The following GZMK variants were observed in gnomAD, a reference collection of about 807,000 sequenced individuals.
The protein encoded by GZMK is granzyme K.
In GZMK, 18 loss-of-function variants were observed where a neutral mutation model predicts 22.8. The ratio of observed to expected loss-of-function variants is 0.79; its 90% CI spans 0.54 to 1.17. The LOEUF (loss-of-function observed/expected upper bound fraction) is 1.17. Among genes scored for constraint, GZMK ranks in the 50% most tolerant of loss-of-function variants. The probability of loss-of-function intolerance (pLI) is 0.00; values close to 1 mark genes in which losing one functional copy is unlikely to be tolerated. For synonymous variants in GZMK, 136 were observed against 115.0 expected, an observed-to-expected ratio of 1.18 and a Z score of -1.17; for missense variants, 342 against 320.2, an observed-to-expected ratio of 1.07 and a Z score of -0.52.
chr5:55,028,905 A>G (rs574970664), intron 2 of GZMK, among the ~76,000 whole-genome samples: 13 of 152,190 alleles, frequency 8.5e-5, no homozygotes, highest in Non-Finnish European at 1.6e-4. Flanking sequence ...CACTGTTGAA[A>G]CACTGGTACT....
intron 1 of GZMK, 93 bp downstream of exon 1, chr5:55,024,479 CCTAT>C (rs1312855607): frequency 1.3e-6 from 1 of 797,938 alleles, no homozygotes; most frequent in African/African-American, 1.8e-5. Context: ...CACAATCATT[CCTAT>C]CTTTCTGAAC....
chr5:55,030,688 A>G (rs1202564098), intron 3 of GZMK, 104 bp downstream of exon 3: 3 of 790,852 alleles, frequency 3.8e-6, no homozygotes, highest in Non-Finnish European at 6.4e-6. Flanking sequence ...CACCCTCCCC[A>G]TGTTTGAGGT....
intron 2 of GZMK, among the ~76,000 whole-genome samples, chr5:55,029,201 C>T (rs1255417766): frequency 1.3e-5 from 2 of 151,928 alleles, no homozygotes; most frequent in African/African-American, 2.4e-5. Context: ...CGCCACTGAA[C>T]TCCAGCCTGG....
Position 55,024,317 on chromosome 5 carries a change from T to G in GZMK, c.-6T>G, listed in dbSNP as rs1053583752. 1 of 1,365,468 alleles carries G rather than the reference T, an allele frequency of 7.3e-7. No individual in the cohort carries two copies. Among genetic ancestry groups the G allele is most frequent in the Admixed American group, 1.7e-5 (1 of 59,502 alleles). 84.6% of individuals were successfully genotyped at this position (1,365,468 alleles called of 1,614,324 possible). On this transcript the variant is annotated 5_prime_UTR_variant, in exon 1 of 5. Transcript: ENST00000231009. ...CATCTGGGCTTCTTAAATCTAAATC[T>G]TTAAAATGACTAAGTTTTCTTCCTT...
At chr5:55,027,136 G>C (rs1236745494) in intron 2 of GZMK, 1 of 152,098 alleles carries the variant, frequency 6.6e-6, no homozygotes, top group Non-Finnish European at 1.5e-5. Flanking sequence ...TATAAAATGG[G>C]GATTGTCATA....
rs1313149075 is a variant in GZMK, at chr5:55,033,981, G to C, written c.*55G>C. Reference sequence around the variant, plus strand: ...CTTCTTTTTTCCTAATATGCTCGCAGGTTAGAGTTGGGTGTAAGTAAAGCA... The same window carrying C: ...CTTCTTTTTTCCTAATATGCTCGCACGTTAGAGTTGGGTGTAAGTAAAGCA... On this transcript the variant is annotated 3_prime_UTR_variant, in exon 5 of 5. Coordinates refer to ENST00000231009, the MANE Select transcript of GZMK (RefSeq NM_002104.3). The C allele has an allele frequency of 1.0e-5, 15 of 1,441,446 alleles. No homozygotes were observed. The highest frequency in any genetic ancestry group is 1.4e-5 in the Non-Finnish European group (15 of 1,046,160). 89.3% of individuals were successfully genotyped at this position (1,441,446 alleles called of 1,614,324 possible).
At chr5:55,029,167 G>A (rs979558677) in intron 2 of GZMK, among the ~76,000 whole-genome samples, 21 of 152,000 alleles carry the variant, frequency 1.4e-4, no homozygotes, top group Non-Finnish European at 2.4e-4. Flanking sequence ...CCTGGGAGGC[G>A]GAGGTTGCTG....
rs1033098531 is a variant in GZMK, at chr5:55,031,300, C to T, written c.364-64C>T. The T allele has an allele frequency of 2.9e-5, 40 of 1,396,458 alleles. No individual in the cohort carries two copies. The Admixed American group carries it at 3.0e-4, about 11-fold the overall frequency. The allele number at this position is 1,396,458 out of a possible 1,614,324, so 86.5% of individuals were successfully genotyped here. On this transcript the variant is annotated intron_variant, in intron 3 of 4. Transcript: ENST00000231009. ...TAAGACAGAGGGACCACACATACGA[C>T]GCACAGGCTAGCATCAGAATACTAC...
intron 4 of GZMK, among the ~76,000 whole-genome samples, chr5:55,033,140 A>G (rs1279631682): frequency 1.3e-5 from 2 of 152,240 alleles, no homozygotes; most frequent in African/African-American, 2.4e-5. Flanking sequence ...GAATTTAGTT[A>G]CATGCTTTGC....
intron 2 of GZMK, among the ~76,000 whole-genome samples, chr5:55,029,291 T>C (rs1412216771): frequency 4.6e-5 from 7 of 152,054 alleles, no homozygotes; most frequent in African/African-American, 1.4e-4. Context: ...TTCACCTCAC[T>C]CACCAGTTCG....
At chr5:55,029,698 C>A (rs2111614086) in intron 2 of GZMK, among the ~76,000 whole-genome samples, 1 of 152,262 alleles carries the variant, frequency 6.6e-6, no homozygotes, top group South Asian at 2.1e-4. Flanking sequence ...CATGCACCAC[C>A]ATGCCCAGCA....
chr5:55,032,649 C>A (rs955696294), intron 4 of GZMK: 5 of 152,116 alleles, frequency 3.3e-5, no homozygotes, highest in African/African-American at 1.2e-4. Flanking sequence ...GGAGGATCAC[C>A]TGAGCCCAGG....
chr5:55,027,067 C>T (rs1251809841), intron 2 of GZMK: 1 of 152,148 alleles, frequency 6.6e-6, no homozygotes, highest in Non-Finnish European at 1.5e-5. Context: ...CCCGAATTTG[C>T]CTCCTGGAGG....
In GZMK at chr5:55,034,005, C is replaced by G. The variant is rs867597760; in HGVS notation, c.*79C>G. 6.1e-6 allele frequency: 7 copies of G among 1,145,100 alleles called. No individual in the cohort carries two copies. In the Middle Eastern group the frequency reaches 1.4e-3, roughly 237 times the overall value. 70.9% of individuals were successfully genotyped at this position (1,145,100 alleles called of 1,614,324 possible). A position where few individuals can be genotyped will look rare whatever the true frequency, so the allele number is the denominator to read the frequency against. On this transcript the variant is annotated 3_prime_UTR_variant, in exon 5 of 5. Transcript: ENST00000231009. ...AGGTTAGAGTTGGGTGTAAGTAAAG[C>G]AGAGCACATATGGGGTCCATTTTTG...
rs1202037290 is a variant in GZMK at position 55,033,890 on chromosome 5, G to T, written c.759G>T (p.Trp253Cys). 6.2e-7 allele frequency: 1 copy of T among 1,612,876 alleles called. No homozygotes were observed. Reference sequence around the variant, plus strand: ...TGTTAACCAAGAAATACCAGACTTGGATCAAAAGCAACCTTGTCCCGCCTC... The same window carrying T: ...TGTTAACCAAGAAATACCAGACTTGTATCAAAAGCAACCTTGTCCCGCCTC... Reference protein sequence around the residue: ...YTLLTKKYQTWIKSNLVPPHT... With the variant: ...YTLLTKKYQTCIKSNLVPPHT... Residue 253 changes from tryptophan to cysteine, a missense_variant, in exon 5 of 5, where the codon TGG becomes TGT. Transcript: ENST00000231009.
At chr5:55,028,242 A>G (rs1741167895) in intron 2 of GZMK, 1 of 152,158 alleles carries the variant, frequency 6.6e-6, no homozygotes, top group African/African-American at 2.4e-5. Flanking sequence ...TGTGTGAGTC[A>G]TTTAGGCACG....
intron 2 of GZMK, chr5:55,027,650 A>C (rs934319294): frequency 6.6e-6 from 1 of 152,262 alleles, no homozygotes; most frequent in African/African-American, 2.4e-5. Context: ...CAGCTTTACC[A>C]GCCTTGAAAA....
In GZMK at chr5:55,033,683, G is replaced by A. The variant is rs1298413097; in HGVS notation, c.634-82G>A. 5.2e-6 allele frequency: 5 copies of A among 965,770 alleles called. No individual in the cohort carries two copies. In the African/African-American group the frequency reaches 8.2e-5, roughly 16 times the overall value. The allele number at this position is 965,770 out of a possible 1,614,324, so 59.8% of individuals were successfully genotyped here. A position where few individuals can be genotyped will look rare whatever the true frequency, so the allele number is the denominator to read the frequency against. The stretch of plus-strand genomic sequence containing the variant: ...GCAAAGACCCAGATGATAATCCCTT[G>A]AGCAATCAGCAGTTGGTGGTTAAAA... On this transcript the variant is annotated intron_variant, in intron 4 of 4. Coordinates refer to ENST00000231009, the MANE Select transcript of GZMK (RefSeq NM_002104.3).
intron 2 of GZMK, among the ~76,000 whole-genome samples, chr5:55,026,054 C>A (rs533655367): frequency 6.6e-6 from 1 of 152,306 alleles, no homozygotes; most frequent in Non-Finnish European, 1.5e-5. Flanking sequence ...GAACTGTCAG[C>A]GAATGTTCAT....
Sources: allele counts gnomAD v4.1 joint callset (sites outside exome capture counted in the v4.1 genomes callset), GRCh38; gene constraint gnomAD v4.1.1; transcripts MANE v1.5; gene names NCBI Gene and HGNC (gene_info 2026-07-23, HGNC 2026-07-21).